ZDHHC15: variants seen among roughly 807,000 people sequenced by gnomAD.
ZDHHC15 encodes palmitoyltransferase ZDHHC15.
Under a neutral mutation model 31.7 loss-of-function variants are expected in ZDHHC15, and 19 were observed. The observed-to-expected ratio is 0.60, with a 90% CI of 0.42 to 0.88. ZDHHC15 has a LOEUF of 0.88. Among genes scored for constraint, ZDHHC15 ranks in the 40% least tolerant of loss-of-function variants. ZDHHC15 has a pLI of 0.00. For synonymous variants in ZDHHC15, 103 were observed against 90.0 expected (o/e 1.14, Z -0.82); for missense variants, 209 against 251.2 (o/e 0.83, Z 1.14).
At chrX:75,486,727 C>T (rs1349635762) in intron 2 of ZDHHC15, among the ~76,000 whole-genome samples, 1 of 105,709 alleles carries the variant, frequency 9.5e-6, no homozygotes, top group Admixed American at 1.0e-4. Flanking sequence ...CCCCCACTTC[C>T]CTGGCAACTT....
chrX:75,388,791 G>A (rs1016934345), intron 10 of ZDHHC15, among the ~76,000 whole-genome samples: 2 of 111,785 alleles, frequency 1.8e-5, no homozygotes, highest in African/African-American at 6.5e-5. Flanking sequence ...AAGAGACTGG[G>A]TGGAGCAAGA....
intron 8 of ZDHHC15, among the ~76,000 whole-genome samples, chrX:75,424,403 A>C (rs2083686463): frequency 9.0e-6 from 1 of 111,627 alleles, no homozygotes; most frequent in Non-Finnish European, 1.9e-5. Flanking sequence ...AGTATGCACT[A>C]TAAAGAACAA....
chrX:75,479,820 T>C (rs771187512), intron 2 of ZDHHC15, among the ~76,000 whole-genome samples: 17 of 112,102 alleles, frequency 1.5e-4, no homozygotes, highest in Non-Finnish European at 3.0e-4. Context: ...GTTCCATCCA[T>C]CTTGCTGCAA....
intron 3 of ZDHHC15, among the ~76,000 whole-genome samples, chrX:75,474,780 G>A (rs12381560): frequency 0.18 from 20,050 of 109,801 alleles, 1,970 homozygotes; most frequent in East Asian, 0.85. Flanking sequence ...TGAGTTGGCC[G>A]GGCGCGGTGG....
In ZDHHC15 at chrX:75,456,392, T is replaced by C. The variant is rs773832840; in HGVS notation, c.259-5470A>G. ...GGGGGAGGGATAGCATTAGGAGAAA[T>C]ACCTAATGTAAGTGTCAAGTTGATG... is the stretch of plus-strand genomic sequence containing the variant. On this transcript the variant is annotated intron_variant, in intron 3 of 11. Transcript: ENST00000373367. Among the ~76,000 whole-genome samples the C allele has an allele frequency of 2.7e-5, 3 of 109,474 alleles. No homozygotes were observed. In the South Asian group the frequency reaches 1.2e-3, roughly 44 times the overall value.
chrX:75,467,875 G>C (rs1243526055), intron 3 of ZDHHC15, among the ~76,000 whole-genome samples: 4 of 110,603 alleles, frequency 3.6e-5, no homozygotes, highest in African/African-American at 1.3e-4. Flanking sequence ...CTCCCCAAAA[G>C]GAAACACCAT....
At chrX:75,395,878 A>G (rs1223096961) in intron 10 of ZDHHC15, among the ~76,000 whole-genome samples, 2 of 112,231 alleles carry the variant, frequency 1.8e-5, no homozygotes, top group Non-Finnish European at 3.8e-5. Context: ...AAAAATGCCA[A>G]GAATACTCAC....
chrX:75,403,075 T>G (rs1000232718), intron 10 of ZDHHC15, among the ~76,000 whole-genome samples: 1 of 112,282 alleles, frequency 8.9e-6, no homozygotes, highest in Non-Finnish European at 1.9e-5. Context: ...AATGCAAAGT[T>G]GTTTCAACAT....
At chrX:75,414,309 C>T (rs1449474814) in intron 10 of ZDHHC15, among the ~76,000 whole-genome samples, 4 of 110,884 alleles carry the variant, frequency 3.6e-5, no homozygotes, top group Non-Finnish European at 7.6e-5. Context: ...TGTTTCTTTA[C>T]CTTATAATTT....
At chrX:75,442,471 C>A (rs1327302415) in intron 4 of ZDHHC15, among the ~76,000 whole-genome samples, 2 of 111,852 alleles carry the variant, frequency 1.8e-5, no homozygotes, top group Non-Finnish European at 3.8e-5. Context: ...GATACAAAAT[C>A]AATGTGCAAA....
intron 1 of ZDHHC15, among the ~76,000 whole-genome samples, chrX:75,517,574 C>T (rs1407560639): frequency 6.7e-5 from 4 of 60,131 alleles, no homozygotes; most frequent in Admixed American, 2.8e-4. Context: ...ACATCACACA[C>T]GGGGGCCTGT....
intron 10 of ZDHHC15, among the ~76,000 whole-genome samples, chrX:75,401,951 C>G (rs2083363103): frequency 8.9e-6 from 1 of 112,346 alleles, no homozygotes; most frequent in Non-Finnish European, 1.9e-5. Context: ...TTCTCATTGC[C>G]ACATGGCACA....
chrX:75,384,842 A>G (rs1425232698), intron 10 of ZDHHC15: 2 of 595,321 alleles, frequency 3.4e-6, no homozygotes, highest in Non-Finnish European at 5.8e-6. Context: ...GTGTTAAAAA[A>G]TAAATAAAAG....
intron 2 of ZDHHC15, among the ~76,000 whole-genome samples, chrX:75,500,907 C>T (rs2085077886): frequency 9.1e-6 from 1 of 110,063 alleles, no homozygotes; most frequent in African/African-American, 3.3e-5. Flanking sequence ...TAATGTATTA[C>T]CAATAAATTA....
At chrX:75,453,051 G>A (rs891280672) in intron 3 of ZDHHC15, among the ~76,000 whole-genome samples, 3 of 111,569 alleles carry the variant, frequency 2.7e-5, no homozygotes, top group African/African-American at 9.8e-5. Flanking sequence ...AACTGAAGGA[G>A]ATAGAGACAC....
At chrX:75,450,661 A>G in intron 4 of ZDHHC15, 141 bp downstream of exon 4, 3 of 1,160,563 alleles carry the variant, frequency 2.6e-6, no homozygotes, top group Non-Finnish European at 2.3e-6. Flanking sequence ...AATTTTTTAG[A>G]AATAAAATGT....
At chrX:75,475,480 A>G (rs2084589830) in intron 3 of ZDHHC15, among the ~76,000 whole-genome samples, 1 of 112,258 alleles carries the variant, frequency 8.9e-6, no homozygotes. Context: ...AAGACTGTGC[A>G]TTCTCCATTA....
intron 1 of ZDHHC15, among the ~76,000 whole-genome samples, chrX:75,520,062 A>G (rs1435946460): frequency 1.8e-5 from 2 of 112,085 alleles, no homozygotes; most frequent in African/African-American, 6.5e-5. Context: ...TTGGCCATTT[A>G]CTAGCTCTGT....
intron 2 of ZDHHC15, among the ~76,000 whole-genome samples, chrX:75,479,327 A>G (rs2084654231): frequency 8.9e-6 from 1 of 112,050 alleles, no homozygotes; most frequent in Non-Finnish European, 1.9e-5. Flanking sequence ...CAATTTACAC[A>G]GCACTTTAGA....
Sources: allele counts gnomAD v4.1 joint callset (sites outside exome capture counted in the v4.1 genomes callset), GRCh38; gene constraint gnomAD v4.1.1; transcripts MANE v1.5; gene names NCBI Gene and HGNC (gene_info 2026-07-23, HGNC 2026-07-21).